ADGRV1: variants seen among roughly 807,000 people sequenced by gnomAD.
ADGRV1 encodes the protein adhesion G protein-coupled receptor V1.
In ADGRV1, 359 loss-of-function variants were observed where a neutral mutation model predicts 596.2. The ratio of observed to expected loss-of-function variants is 0.60; its 90% confidence interval spans 0.55 to 0.66. The LOEUF (loss-of-function observed/expected upper bound fraction) is 0.66, where lower values mean the gene tolerates loss of function less well. Ranked by LOEUF, ADGRV1 falls within the 30% of genes least tolerant of loss-of-function variation. The pLI, the probability that ADGRV1 is intolerant of heterozygous loss-of-function variation, is 0.00. For missense variants in ADGRV1, 7,274 were observed against 7,575.6 expected (o/e 0.96, Z 1.48); for synonymous variants, 2,681 against 2,679.2 (o/e 1.00, Z -0.02).
intron 83 of ADGRV1, among the ~76,000 whole-genome samples, chr5:90,950,004 A>T (rs988262568): frequency 1.3e-5 from 2 of 152,188 alleles, no homozygotes; most frequent in African/African-American, 4.8e-5. Flanking sequence ...TTTGTCCATG[A>T]TCCCTATCAG....
At chr5:90,901,174 G>A (rs11738521) in intron 83 of ADGRV1, among the ~76,000 whole-genome samples, 3,124 of 152,214 alleles carry the variant, frequency 0.021, 56 homozygotes, top group Middle Eastern at 0.034. Flanking sequence ...TTAGGCCCAA[G>A]TCAAAAACAT....
intron 75 of ADGRV1, among the ~76,000 whole-genome samples, chr5:90,820,328 T>C (rs1293154212): frequency 1.0e-4 from 15 of 145,052 alleles, no homozygotes; most frequent in African/African-American, 3.9e-4. Flanking sequence ...GTGAGATGGG[T>C]TTCCTGAATA....
chr5:90,992,230 A>T (rs1467005487), intron 85 of ADGRV1, among the ~76,000 whole-genome samples: 1 of 152,260 alleles, frequency 6.6e-6, no homozygotes, highest in African/African-American at 2.4e-5. Flanking sequence ...ATTCTTATTC[A>T]AAGGCCTGTT....
rs1367578490 is a variant in ADGRV1, at chr5:90,750,700, A to G, written c.11121+3A>G. The G allele has an allele frequency of 6.2e-7, 1 of 1,609,520 alleles. No homozygotes were observed. Among genetic ancestry groups the G allele is most frequent in the South Asian group, 1.1e-5 (1 of 90,676 alleles). ...ATATATTTCCTACCTCAGGAGTGGT[A>G]TGTAATTTACAAAGTTATAGGAAAC... On this transcript the variant is annotated splice_donor_region_variant and intron_variant, in intron 53 of 89. Transcript: ENST00000405460.
At chr5:91,128,906 C>A (rs943176944) in intron 87 of ADGRV1, among the ~76,000 whole-genome samples, 1 of 152,090 alleles carries the variant, frequency 6.6e-6, no homozygotes, top group Non-Finnish European at 1.5e-5. Flanking sequence ...GGCAAAGATT[C>A]TTTAATGTTG....
chr5:90,608,962 C>A (rs1483027391), intron 1 of ADGRV1, among the ~76,000 whole-genome samples: 1 of 152,034 alleles, frequency 6.6e-6, no homozygotes, highest in African/African-American at 2.4e-5. Context: ...TGGAAACTGG[C>A]ATTTTATTGA....
At chr5:91,013,767 C>T (rs1782919719) in intron 85 of ADGRV1, among the ~76,000 whole-genome samples, 1 of 151,990 alleles carries the variant, frequency 6.6e-6, no homozygotes, top group African/African-American at 2.4e-5. Flanking sequence ...TTGTCTTTGT[C>T]ATGTAATCTT....
rs111395332 is a variant in ADGRV1, at chr5:90,684,356, A to C, written c.6274+161A>C. On this transcript the variant is annotated intron_variant, in intron 28 of 89. Transcript: ENST00000405460. ...TACCTGTAAGGTAACTGGAAGCCAG[A>C]CACATTTTTTTCTTAGAAATTATGT... Among the ~76,000 whole-genome samples the C allele has an allele frequency of 1.4e-3, 213 of 152,294 alleles. 1 individual carries two copies. The highest frequency in any genetic ancestry group is 3.4e-3 in the Middle Eastern group (1 of 294).
chr5:90,674,226 A>G lies in ADGRV1; in HGVS notation c.5102A>G (p.His1701Arg), dbSNP rs876657826. The G allele has an allele frequency of 5.0e-6, 8 of 1,595,076 alleles. No homozygotes were observed. The Middle Eastern group carries it at 8.4e-4, about 167-fold the overall frequency. ...GATATCACCATCAAAGCTAGTGATC[A>G]TCCATATGGTAACCTGCTCCTTTTG... ...TTDITIKASD[H>R]PYGLLQFSTG... The change falls in exon 23 of 90, where the codon CAT becomes CGT. Residue 1701 changes from histidine to arginine, a missense_variant. Around this residue, in one of 5 missense-constraint regions of ADGRV1, gnomAD observed 3,643 missense variants for 3,809.2 expected, o/e 0.96. Transcript: ENST00000405460.
intron 83 of ADGRV1, among the ~76,000 whole-genome samples, chr5:90,890,053 C>A (rs1292655725): frequency 6.6e-6 from 1 of 152,100 alleles, no homozygotes; most frequent in Non-Finnish European, 1.5e-5. Context: ...TAGGTGTGAT[C>A]AATCCTTAAC....
At chr5:90,955,795 G>T (rs1258348511) in intron 83 of ADGRV1, among the ~76,000 whole-genome samples, 1 of 152,178 alleles carries the variant, frequency 6.6e-6, no homozygotes, top group Non-Finnish European at 1.5e-5. Context: ...ATACGTGTAT[G>T]TAGCAGGGAA....
At chr5:90,669,764 G>A (rs763324196) in intron 21 of ADGRV1, among the ~76,000 whole-genome samples, 3 of 152,180 alleles carry the variant, frequency 2.0e-5, no homozygotes, top group African/African-American at 4.8e-5. Flanking sequence ...CTTGTTTCAC[G>A]TGGGTACAAT....
At position 90,684,139 on chromosome 5, in the gene ADGRV1, C is replaced by A; in HGVS notation, c.6218C>A (p.Ser2073Tyr). ...LDDDEPERSE[S>Y]VFIELLNSTL... ...GATGATGAGCCAGAAAGGTCCGAAT[C>A]TGTCTTTATCGAACTACTCAACTCT... The change falls in exon 28 of 90, where the codon TCT becomes TAT. Residue 2073 changes from serine (S) to tyrosine (Y), a missense_variant. Ser to Tyr is a moderately radical substitution (Grantham distance 144, BLOSUM62 -2). This residue lies in a region of ADGRV1 where 3,643 missense variants were observed against 3,809.2 expected (regional missense o/e 0.96). Transcript: ENST00000405460. The A allele has an allele frequency of 6.2e-7, 1 of 1,613,782 alleles. No homozygotes were observed. Among genetic ancestry groups the A allele is most frequent in the Non-Finnish European group, 8.5e-7 (1 of 1,179,812 alleles).
chr5:90,902,545 G>A (rs920812712), intron 83 of ADGRV1, among the ~76,000 whole-genome samples: 5 of 151,994 alleles, frequency 3.3e-5, no homozygotes, highest in African/African-American at 1.2e-4. Context: ...TCTTAATTCC[G>A]TGTTTCAATA....
chr5:90,586,450 T>C (rs1275308591), intron 1 of ADGRV1, among the ~76,000 whole-genome samples: 1 of 152,212 alleles, frequency 6.6e-6, no homozygotes, highest in Non-Finnish European at 1.5e-5. Context: ...AGTAGTCTTC[T>C]TGGCATCTCC....
At chr5:90,992,550 C>G (rs775164317) in intron 85 of ADGRV1, among the ~76,000 whole-genome samples, 2 of 152,192 alleles carry the variant, frequency 1.3e-5, no homozygotes, top group Non-Finnish European at 2.9e-5. Flanking sequence ...CTTGAGTAAC[C>G]TTCACAGCAT....
Position 90,961,511 on chromosome 5 carries a change from G to T in ADGRV1, c.17857-3904G>T, listed in dbSNP as rs796645893. Among the ~76,000 whole-genome samples, 247 of 145,524 alleles carry T rather than the reference G, an allele frequency of 1.7e-3. 5 individuals carry two copies. The highest frequency in any genetic ancestry group is 5.5e-3 in the African/African-American group (215 of 38,828). ...TCAAAAAAAAAAAAAAAAAAAAGGGGGGGTGGCGGTCATTTCAAGAATAAT... is the reference window on the plus strand; with the variant it reads ...TCAAAAAAAAAAAAAAAAAAAAGGGTGGGTGGCGGTCATTTCAAGAATAAT... On this transcript the variant is annotated intron_variant, in intron 83 of 89. Transcript: ENST00000405460.
intron 77 of ADGRV1, among the ~76,000 whole-genome samples, chr5:90,832,944 C>A (rs1764643963): frequency 6.6e-6 from 1 of 152,114 alleles, no homozygotes; most frequent in Non-Finnish European, 1.5e-5. Context: ...CTATTCCATT[C>A]TGTTCCATTG....
rs566526160 is a variant in ADGRV1 at position 90,745,641 on chromosome 5, T to C, written c.10820T>C (p.Val3607Ala). ...EPGEREATIA[V>A]NILDDTVPEK... is the part of the protein sequence containing the mutation. ...GGTGAGAGAGAAGCTACAATAGCAG[T>C]AAATATCCTTGATGATACAGTTCCA... Residue 3607 changes from valine to alanine, a missense_variant, in exon 52 of 90, where the codon GTA (valine) becomes GCA (alanine). Val to Ala is a moderately conservative substitution (Grantham distance 64). Around this residue, in one of 5 missense-constraint regions of ADGRV1, gnomAD observed 3,643 missense variants for 3,809.2 expected, o/e 0.96. Transcript: ENST00000405460. 3.8e-5 allele frequency: 62 copies of C among 1,612,698 alleles called. No individual in the cohort carries two copies. The highest frequency in any genetic ancestry group is 5.1e-5 in the Non-Finnish European group (60 of 1,179,236).
Sources: gnomAD v4.1 joint callset for allele counts (sites outside exome capture counted in the v4.1 genomes callset) on GRCh38, gnomAD v4.1.1 for gene constraint, gnomAD v4.1.1 regional missense constraint, MANE v1.5 for transcripts, NCBI Gene and HGNC (gene_info 2026-07-23, HGNC 2026-07-21) for gene names.